Variants in PCDHGB4 observed in about 807,000 individuals in gnomAD.
PCDHGB4 encodes the protein protocadherin gamma-B4.
Under a neutral mutation model 60.5 loss-of-function variants are expected in PCDHGB4, and 38 were observed. The observed-to-expected ratio is 0.63, with a 90% CI of 0.48 to 0.82. The LOEUF is 0.82. PCDHGB4 is among the 40% of genes least tolerant of loss of function. The pLI, the probability that PCDHGB4 is intolerant of heterozygous loss-of-function variation, is 0.00. For missense variants in PCDHGB4, 1,109 were observed against 1,209.6 expected (o/e 0.92, Z 1.23); for synonymous variants, 456 against 509.7 (o/e 0.89, Z 1.42).
At position 141,465,659 on chromosome 5, in the gene PCDHGB4, T is replaced by C. The variant is rs184749770; in HGVS notation, c.2398-29148T>C. Among the ~76,000 whole-genome samples the C allele has an allele frequency of 3.5e-4, 53 of 152,318 alleles. 1 individual carries two copies. Among genetic ancestry groups the C allele is most frequent in the African/African-American group, 1.2e-3 (50 of 41,576 alleles). ...TGCTTTGAACATCCCAAAAAAGCGC[T>C]TGCCATGACATTTGCTCTTGACCAG... On this transcript the variant is annotated intron_variant, in intron 1 of 3. Transcript: ENST00000519479.
chr5:141,484,591 T>C (rs2099597977), intron 1 of PCDHGB4, among the ~76,000 whole-genome samples: 1 of 152,020 alleles, frequency 6.6e-6, no homozygotes, highest in African/African-American at 2.4e-5. Flanking sequence ...AAGCTACTCA[T>C]TTAGAATACT....
intron 1 of PCDHGB4, chr5:141,417,544 C>A: frequency 3.2e-6 from 1 of 308,860 alleles, no homozygotes; most frequent in Non-Finnish European, 5.9e-6. Context: ...AAAAAAATTC[C>A]TTGAAAGAGG....
chr5:141,428,536 A>G (rs981530261), intron 1 of PCDHGB4: 1 of 273,778 alleles, frequency 3.7e-6, no homozygotes, highest in Non-Finnish European at 7.2e-6. Flanking sequence ...TTTTCTCACC[A>G]TGACACCAGA....
intron 1 of PCDHGB4, among the ~76,000 whole-genome samples, chr5:141,434,259 G>A (rs1452016594): frequency 6.6e-6 from 1 of 152,230 alleles, no homozygotes; most frequent in Non-Finnish European, 1.5e-5. Flanking sequence ...CATTGTGGGG[G>A]AGGTGGAAAT....
At chr5:141,461,989 A>G (rs2099028358) in intron 1 of PCDHGB4, among the ~76,000 whole-genome samples, 1 of 152,074 alleles carries the variant, frequency 6.6e-6, no homozygotes, top group African/African-American at 2.4e-5. Flanking sequence ...ACGCCAGGCT[A>G]ATTTTGTATT....
rs759146011 is a variant in PCDHGB4, at chr5:141,477,635, G to A, written c.2398-17172G>A. 6.2e-7 allele frequency: 1 copy of A among 1,614,138 alleles called. No homozygotes were observed. The highest frequency in any genetic ancestry group is 8.5e-7 in the Non-Finnish European group (1 of 1,180,040). On this transcript the variant is annotated intron_variant, in intron 1 of 3. Coordinates refer to ENST00000519479, the MANE Select transcript of PCDHGB4 (RefSeq NM_003736.4). This position sits in a 1 kb window ranked among gnomAD's most constrained non-coding sequence, Gnocchi z 4.9. ...GCAAGGAGCTGAAACCGGGCTAGTG[G>A]GTCGCTATTTCACAATAAATCGTGA...
intron 1 of PCDHGB4, chr5:141,413,515 G>C: frequency 6.2e-7 from 1 of 1,613,984 alleles, no homozygotes; most frequent in Non-Finnish European, 8.5e-7. Context: ...TAATATCCTT[G>C]TGGAAGACAG....
In PCDHGB4 at chr5:141,427,233, G is replaced by A. The variant is rs147039909; in HGVS notation, c.2397+36952G>A. On this transcript the variant is annotated intron_variant, in intron 1 of 3. Transcript: ENST00000519479. Reference sequence around the variant, plus strand: ...ATTTCGTAGCAGTTATACCATGAGAGTAGAAGCTAAGGATGGTGGAGGCAT... The same window carrying A: ...ATTTCGTAGCAGTTATACCATGAGAATAGAAGCTAAGGATGGTGGAGGCAT... 180 of 456,756 alleles carry A rather than the reference G, an allele frequency of 3.9e-4. 1 individual carries two copies. The highest frequency in any genetic ancestry group is 3.5e-3 in the African/African-American group (176 of 50,196). The allele number at this position is 456,756 out of a possible 1,614,324, so 28.3% of individuals were successfully genotyped here.
chr5:141,393,360 C>T, intron 1 of PCDHGB4: 1 of 1,613,968 alleles, frequency 6.2e-7, no homozygotes, highest in Non-Finnish European at 8.5e-7. Flanking sequence ...CCTGGACGTG[C>T]AGACTGGAGA....
At chr5:141,454,181 G>A (rs1290295830) in intron 1 of PCDHGB4, among the ~76,000 whole-genome samples, 1 of 152,200 alleles carries the variant, frequency 6.6e-6, no homozygotes, top group Non-Finnish European at 1.5e-5. Context: ...GCAGCTAAAG[G>A]AGCTTAGTGA....
chr5:141,425,934 G>A lies in PCDHGB4; in HGVS notation c.2397+35653G>A, dbSNP rs1237431530. Among the ~76,000 whole-genome samples, 4 of 152,352 alleles carry A rather than the reference G, an allele frequency of 2.6e-5. 1 individual carries two copies. Among genetic ancestry groups the A allele is most frequent in the East Asian group, 1.9e-4 (1 of 5,188 alleles). On this transcript the variant is annotated intron_variant, in intron 1 of 3. Coordinates refer to ENST00000519479, the MANE Select transcript of PCDHGB4 (RefSeq NM_003736.4). ...CAGTCACTACGAAAACTCATAAAAT[G>A]TCTAGTTTCCTATACATTAGTCCAA...
chr5:141,427,960 G>T (rs759698390), intron 1 of PCDHGB4: 2 of 1,589,168 alleles, frequency 1.3e-6, no homozygotes, highest in Non-Finnish European at 1.7e-6. Context: ...AATGTGCCGC[G>T]GGTGCTGTAC....
At chr5:141,418,308 T>G in intron 1 of PCDHGB4, 6 of 1,613,946 alleles carry the variant, frequency 3.7e-6, no homozygotes, top group Non-Finnish European at 5.1e-6. Flanking sequence ...AGCCTGGGGA[T>G]GGGAACAATT....
intron 1 of PCDHGB4, chr5:141,421,898 A>T: frequency 6.2e-7 from 1 of 1,613,736 alleles, no homozygotes; most frequent in Non-Finnish European, 8.5e-7. Flanking sequence ...CCCATCCGAA[A>T]GGGCGCAGTT....
intron 1 of PCDHGB4, chr5:141,417,619 C>A: frequency 1.5e-6 from 1 of 656,120 alleles, no homozygotes; most frequent in South Asian, 2.4e-5. Flanking sequence ...CAGTGCAGAG[C>A]AAGCGCTGAC....
intron 1 of PCDHGB4, chr5:141,420,929 G>A (rs1321290902): frequency 1.4e-5 from 5 of 362,196 alleles, no homozygotes; most frequent in Non-Finnish European, 2.5e-5. Flanking sequence ...AAAGGTGAGC[G>A]TAATCATTTC....
chr5:141,400,321 G>A lies in PCDHGB4; in HGVS notation c.2397+10040G>A, dbSNP rs190006023. On this transcript the variant is annotated intron_variant, in intron 1 of 3. Coordinates refer to ENST00000519479, the MANE Select transcript of PCDHGB4 (RefSeq NM_003736.4). ...CCAACCTGGTCTCTGTGTCAAGTCTGGACCTGTGGTTCCCCCCAACTACAG... is the reference window on the plus strand; with the variant it reads ...CCAACCTGGTCTCTGTGTCAAGTCTAGACCTGTGGTTCCCCCCAACTACAG... The A allele has an allele frequency of 9.3e-6, 15 of 1,614,064 alleles. No homozygotes were observed. In the Admixed American group the frequency reaches 2.5e-4, roughly 27 times the overall value.
At chr5:141,452,538 G>T (rs1330051133) in intron 1 of PCDHGB4, among the ~76,000 whole-genome samples, 1 of 152,148 alleles carries the variant, frequency 6.6e-6, no homozygotes, top group Non-Finnish European at 1.5e-5. Flanking sequence ...AGTTCATATT[G>T]ATACCTCCAG....
chr5:141,419,378 G>C (rs777509820), intron 1 of PCDHGB4: 3 of 1,613,712 alleles, frequency 1.9e-6, no homozygotes, highest in Admixed American at 3.3e-5. Context: ...CTACGTGTCC[G>C]TGAGCGCGCA....
Sources: gnomAD v4.1 joint callset for allele counts (sites outside exome capture counted in the v4.1 genomes callset) on GRCh38, gnomAD v4.1.1 for gene constraint, Gnocchi (gnomAD v3.1) non-coding constraint, MANE v1.5 for transcripts, NCBI Gene and HGNC (gene_info 2026-07-23, HGNC 2026-07-21) for gene names.